CCNJ: variants seen among roughly 807,000 people sequenced by gnomAD.
CCNJ encodes the protein cyclin-J.
Under a neutral mutation model 41.4 loss-of-function variants are expected in CCNJ, and 12 were observed. The observed-to-expected ratio is 0.29, with a 90% CI of 0.19 to 0.47. The LOEUF (loss-of-function observed/expected upper bound fraction) is 0.47. Ranked by LOEUF, CCNJ falls within the 20% of genes least tolerant of loss-of-function variation. CCNJ has a pLI of 1.00. For synonymous variants in CCNJ, 161 were observed against 173.4 expected (o/e 0.93, Z 0.56); for missense variants, 340 against 464.6 (o/e 0.73, Z 2.47).
At chr10:96,053,932 G>A (rs1470676027) in intron 3 of CCNJ, among the ~76,000 whole-genome samples, 1 of 151,824 alleles carries the variant, frequency 6.6e-6, no homozygotes, top group Non-Finnish European at 1.5e-5. Context: ...TGTATGTTAG[G>A]GATGACTTTT....
In CCNJ at chr10:96,047,328, G is replaced by A. The variant is rs542688654; in HGVS notation, c.69+2866G>A. On this transcript the variant is annotated intron_variant, in intron 2 of 5. Transcript: ENST00000465148. ...AATCCTAGGAACTACATGAGAAATCGGCATCTTCCCTTTATGTGGAAAAAA... is the reference window on the plus strand; with the variant it reads ...AATCCTAGGAACTACATGAGAAATCAGCATCTTCCCTTTATGTGGAAAAAA... Among the ~76,000 whole-genome samples, 10 of 152,210 alleles carry A rather than the reference G, an allele frequency of 6.6e-5. No homozygotes were observed. The South Asian group carries it at 1.5e-3, about 22-fold the overall frequency.
intron 3 of CCNJ, among the ~76,000 whole-genome samples, chr10:96,052,980 C>T (rs980926714): frequency 5.3e-5 from 8 of 152,178 alleles, no homozygotes; most frequent in African/African-American, 1.9e-4. Context: ...CCCTTGCCCC[C>T]CAACCCTAGT....
intron 2 of CCNJ, among the ~76,000 whole-genome samples, chr10:96,044,788 C>T (rs1564700007): frequency 6.6e-6 from 1 of 152,162 alleles, no homozygotes; most frequent in East Asian, 1.9e-4. Flanking sequence ...GAACAGCCCT[C>T]TTTGTTCGAG....
rs769811891 is a variant in CCNJ at position 96,058,360 on chromosome 10, A to G, written c.*119A>G. ...TAAATGACATCAGAACTCTTCAGGT[A>G]CCAGCACCAGGAAGACTGAATATCC... On this transcript the variant is annotated 3_prime_UTR_variant, in exon 6 of 6. Transcript: ENST00000465148. 13 of 768,282 alleles carry G rather than the reference A, an allele frequency of 1.7e-5. No individual in the cohort carries two copies. Among genetic ancestry groups the G allele is most frequent in the Middle Eastern group, 2.4e-4 (1 of 4,176 alleles). 47.6% of individuals were successfully genotyped at this position (768,282 alleles called of 1,614,324 possible).
intron 3 of CCNJ, 36 bp from the exon 4 acceptor site, chr10:96,056,665 C>A: frequency 6.7e-7 from 1 of 1,492,018 alleles, no homozygotes; most frequent in South Asian, 1.3e-5. Flanking sequence ...ACTTGCCTGA[C>A]ATTTTCTCTC....
rs957245201 is a variant in CCNJ at position 96,043,630 on chromosome 10, G to C, written c.-131G>C. ...CAGGCGCTGGGCTCTAGCTGAGGCC[G>C]GCGCTTAGCGGCCCACTGTCCGCAG... is the stretch of plus-strand genomic sequence containing the variant. On this transcript the variant is annotated 5_prime_UTR_variant, in exon 1 of 6. Coordinates refer to ENST00000465148, the MANE Select transcript of CCNJ (RefSeq NM_001134375.2). 30 of 394,906 alleles carry C rather than the reference G, an allele frequency of 7.6e-5. No individual in the cohort carries two copies. The highest frequency in any genetic ancestry group is 8.5e-5 in the Non-Finnish European group (19 of 223,642). The allele number at this position is 394,906 out of a possible 1,614,324, so 24.5% of individuals were successfully genotyped here.
chr10:96,051,595 C>CCAAAA (rs1326321871), intron 3 of CCNJ, among the ~76,000 whole-genome samples: 3 of 152,098 alleles, frequency 2.0e-5, no homozygotes, highest in African/African-American at 4.8e-5. Flanking sequence ...TCTAACTCTC[C>CCAAAA]CTTGAGGTTT....
At chr10:96,056,513 G>T (rs1325422350) in intron 3 of CCNJ, among the ~76,000 whole-genome samples, 188 bp from the exon 4 acceptor site, 7 of 152,044 alleles carry the variant, frequency 4.6e-5, no homozygotes, top group Non-Finnish European at 8.8e-5. Context: ...GGGGATTGGG[G>T]AAAGGTTGGG....
Position 96,058,263 on chromosome 10 carries a change from G to T in CCNJ, c.*22G>T. 1 of 1,591,440 alleles carries T rather than the reference G, an allele frequency of 6.3e-7. No individual in the cohort carries two copies. The highest frequency in any genetic ancestry group is 1.1e-5 in the South Asian group (1 of 87,764). On this transcript the variant is annotated 3_prime_UTR_variant, in exon 6 of 6. Coordinates refer to ENST00000465148, the MANE Select transcript of CCNJ (RefSeq NM_001134375.2). ...GTGATTATTTGTGAAGCTGATAACC[G>T]ACCCAGACTGCTTTGTGACATGAAG... is the stretch of plus-strand genomic sequence containing the variant.
chr10:96,050,364 G>A lies in CCNJ; in HGVS notation c.178G>A (p.Ala60Thr), dbSNP rs1476730211. The A allele has an allele frequency of 1.2e-6, 2 of 1,614,012 alleles. No individual in the cohort carries two copies. Among genetic ancestry groups the A allele is most frequent in the South Asian group, 2.2e-5 (2 of 91,082 alleles). Residue 60 changes from alanine to threonine, a missense_variant, in exon 3 of 6, where the codon GCC (alanine) becomes ACC (threonine). Physicochemically the swap from Ala to Thr is moderately conservative, Grantham distance 58. This residue lies in a region of CCNJ where 137 missense variants were observed against 252.9 expected (regional missense o/e 0.54). Coordinates refer to ENST00000465148, the MANE Select transcript of CCNJ (RefSeq NM_001134375.2). ...VSNRFTLCPS[A>T]RHLAVYLLDL... The stretch of plus-strand genomic sequence containing the variant: ...CAATCGCTTCACACTCTGCCCTTCT[G>A]CCCGCCATCTTGCTGTCTATTTACT...
intron 3 of CCNJ, among the ~76,000 whole-genome samples, chr10:96,053,395 A>G (rs1469278337): frequency 1.3e-5 from 2 of 152,222 alleles, no homozygotes; most frequent in Non-Finnish European, 2.9e-5. Context: ...GGAAATGGAA[A>G]CATTAAAAGA....
In CCNJ at chr10:96,058,263, G is replaced by A. The variant is rs201521655; in HGVS notation, c.*22G>A. 8.7e-4 allele frequency: 1,380 copies of A among 1,591,430 alleles called. 2 individuals are homozygous for A. Among genetic ancestry groups the A allele is most frequent in the South Asian group, 2.2e-3 (190 of 87,768 alleles). On this transcript the variant is annotated 3_prime_UTR_variant, in exon 6 of 6. Coordinates refer to ENST00000465148, the MANE Select transcript of CCNJ (RefSeq NM_001134375.2). The stretch of plus-strand genomic sequence containing the variant: ...GTGATTATTTGTGAAGCTGATAACC[G>A]ACCCAGACTGCTTTGTGACATGAAG...
In CCNJ at chr10:96,058,545, T is replaced by C. The variant is rs2080754230; in HGVS notation, c.*304T>C. ...ACAGAAAATTTGGACAGACTTCAAT[T>C]TGCCATTTTGAGATTTGACCTGTGG... On this transcript the variant is annotated 3_prime_UTR_variant, in exon 6 of 6. Coordinates refer to ENST00000465148, the MANE Select transcript of CCNJ (RefSeq NM_001134375.2). The C allele has an allele frequency of 2.2e-6, 1 of 457,990 alleles. No homozygotes were observed. Among genetic ancestry groups the C allele is most frequent in the Non-Finnish European group, 3.8e-6 (1 of 260,056 alleles). 28.4% of individuals were successfully genotyped at this position (457,990 alleles called of 1,614,324 possible).
chr10:96,051,614 A>G (rs542344416), intron 3 of CCNJ, among the ~76,000 whole-genome samples: 1 of 152,300 alleles, frequency 6.6e-6, no homozygotes, highest in East Asian at 1.9e-4. Context: ...TTTGGGGTCA[A>G]ATATGGCTGG....
At chr10:96,053,992 C>T (rs1009265902) in intron 3 of CCNJ, among the ~76,000 whole-genome samples, 5 of 152,118 alleles carry the variant, frequency 3.3e-5, no homozygotes, top group Admixed American at 6.5e-5. Context: ...GCAGAGCACT[C>T]GGTGACATCT....
At position 96,050,171 on chromosome 10, in the gene CCNJ, A is replaced by G. The variant is rs535118203; in HGVS notation, c.70-85A>G. ...TGTTTTAGGCACTTGTAATACTAATATATTGGAAAAACAATGTTAAGTCAT... is the reference window on the plus strand; with the variant it reads ...TGTTTTAGGCACTTGTAATACTAATGTATTGGAAAAACAATGTTAAGTCAT... On this transcript the variant is annotated intron_variant, in intron 2 of 5. Coordinates refer to ENST00000465148, the MANE Select transcript of CCNJ (RefSeq NM_001134375.2). The G allele has an allele frequency of 2.1e-4, 189 of 904,442 alleles. No individual in the cohort carries two copies. The African/African-American group carries it at 2.8e-3, about 13-fold the overall frequency. 56.0% of individuals were successfully genotyped at this position (904,442 alleles called of 1,614,324 possible). A position where few individuals can be genotyped will look rare whatever the true frequency, so the allele number is the denominator to read the frequency against.
chr10:96,050,861 C>T (rs781042856), intron 3 of CCNJ, among the ~76,000 whole-genome samples: 13 of 152,258 alleles, frequency 8.5e-5, no homozygotes, highest in Admixed American at 6.5e-4. Context: ...CACTTGGCAA[C>T]GTGTACAGAC....
At chr10:96,044,511 T>A in intron 2 of CCNJ, 49 bp downstream of exon 2, 1 of 1,377,500 alleles carries the variant, frequency 7.3e-7, no homozygotes, top group Non-Finnish European at 9.7e-7. Flanking sequence ...TCGCGCCAGT[T>A]GTTCTGAATC....
At position 96,058,314 on chromosome 10, in the gene CCNJ, C is replaced by T. The variant is rs1276307356; in HGVS notation, c.*73C>T. ...CTATGGGTAAGCGTTTTGTAAACTT[C>T]TGTTCAAAAGGAAAGGGATCTAAAT... On this transcript the variant is annotated 3_prime_UTR_variant, in exon 6 of 6. Transcript: ENST00000465148. The T allele has an allele frequency of 1.5e-6, 2 of 1,327,574 alleles. No homozygotes were observed. Among genetic ancestry groups the T allele is most frequent in the Non-Finnish European group, 2.1e-6 (2 of 954,008 alleles). 82.2% of individuals were successfully genotyped at this position (1,327,574 alleles called of 1,614,324 possible).
Sources: gnomAD v4.1 joint callset for allele counts (sites outside exome capture counted in the v4.1 genomes callset) on GRCh38, gnomAD v4.1.1 for gene constraint, gnomAD v4.1.1 regional missense constraint, MANE v1.5 for transcripts, NCBI Gene and HGNC (gene_info 2026-07-23, HGNC 2026-07-21) for gene names.